Variants in GCLC observed in about 807,000 individuals in gnomAD.
GCLC encodes the protein glutamate--cysteine ligase catalytic subunit.
In GCLC, 30 loss-of-function variants were observed where a neutral mutation model predicts 81.5. The ratio of observed to expected loss-of-function variants is 0.37; its 90% CI spans 0.28 to 0.50. The LOEUF (loss-of-function observed/expected upper bound fraction) is 0.50. Among genes scored for constraint, GCLC ranks in the 20% least tolerant of loss-of-function variants. The pLI is 0.96. For synonymous variants in GCLC, 262 were observed against 273.3 expected, an observed-to-expected ratio of 0.96 and a Z score of 0.41; for missense variants, 556 against 777.4, an observed-to-expected ratio of 0.72 and a Z score of 3.39.
At chr6:53,544,399 G>A in intron 1 of GCLC, 97 bp downstream of exon 1, 2 of 1,339,054 alleles carry the variant, frequency 1.5e-6, no homozygotes, top group Non-Finnish European at 2.1e-6. Context: ...AGTGGAGAAC[G>A]CGGACCGCGA....
At chr6:53,502,737 G>A (rs948457342) in intron 12 of GCLC, among the ~76,000 whole-genome samples, 8 of 152,050 alleles carry the variant, frequency 5.3e-5, no homozygotes, top group Non-Finnish European at 1.2e-4. Flanking sequence ...TGTTTCAGCT[G>A]TTTAATAGGA....
At position 53,506,697 on chromosome 6, in the gene GCLC, C is replaced by T. The variant is rs1276287797; in HGVS notation, c.1197+216G>A. The T allele has an allele frequency of 7.6e-6, 4 of 529,778 alleles. No individual in the cohort carries two copies. Among genetic ancestry groups the T allele is most frequent in the Admixed American group, 6.6e-5 (2 of 30,310 alleles). 32.8% of individuals were successfully genotyped at this position (529,778 alleles called of 1,614,324 possible). On this transcript the variant is annotated intron_variant, in intron 10 of 15. Coordinates refer to ENST00000650454, the MANE Select transcript of GCLC (RefSeq NM_001498.4). The surrounding 1 kb of genome is among the most constrained non-coding windows in gnomAD (Gnocchi z 4.0). ...AATCAGTGAGATAAACAGTAAGAATCGTAAAATAAGAGTACTTGAAACCGA... is the reference window on the plus strand; with the variant it reads ...AATCAGTGAGATAAACAGTAAGAATTGTAAAATAAGAGTACTTGAAACCGA...
At chr6:53,527,414 T>C (rs1763101489) in intron 1 of GCLC, among the ~76,000 whole-genome samples, 1 of 152,212 alleles carries the variant, frequency 6.6e-6, no homozygotes, top group Non-Finnish European at 1.5e-5. Flanking sequence ...GCAACCATTT[T>C]GAGGACTAAG....
chr6:53,542,738 C>G (rs1040091845), intron 1 of GCLC, among the ~76,000 whole-genome samples: 13 of 152,104 alleles, frequency 8.5e-5, no homozygotes, highest in African/African-American at 3.1e-4. Context: ...GCACAGGGCC[C>G]GGCACATTGG....
Position 53,508,605 on chromosome 6 carries a change from C to T in GCLC, c.935G>A (p.Arg312Gln), listed in dbSNP as rs200246491. 23 of 1,600,676 alleles carry T rather than the reference C, an allele frequency of 1.4e-5. No individual in the cohort carries two copies. Among genetic ancestry groups the T allele is most frequent in the African/African-American group, 4.0e-5 (3 of 74,728 alleles). The change falls in exon 8 of 16, where the codon CGA becomes CAA. Residue 312 changes from arginine (R) to glutamine (Q), a missense_variant. By Grantham distance (43) the Arg-to-Gln change is conservative. Transcript: ENST00000650454. ...AAAAACAATTCCCACCTCCAGTCCT[C>T]GCTCCTCCCGAGTTCTATCATCTAC... ...ASVDDRTREE[R>Q]GLEPLKNNNY... is the part of the protein sequence containing the mutation.
chr6:53,525,974 A>G (rs1581743019), intron 1 of GCLC, among the ~76,000 whole-genome samples: 1 of 152,320 alleles, frequency 6.6e-6, no homozygotes, highest in Middle Eastern at 3.4e-3. Context: ...TGAAAATTAA[A>G]ATCTCTTAGA....
At chr6:53,517,079 ATTTTT>A (rs71546114) in intron 3 of GCLC, among the ~76,000 whole-genome samples, 174 of 104,398 alleles carry the variant, frequency 1.7e-3, no homozygotes, top group African/African-American at 5.8e-3. Context: ...TTAAAAAAAA[ATTTTT>A]TTTTTTTTTT....
At chr6:53,528,338 C>T (rs1420013533) in intron 1 of GCLC, among the ~76,000 whole-genome samples, 1 of 152,154 alleles carries the variant, frequency 6.6e-6, no homozygotes, top group Non-Finnish European at 1.5e-5. Flanking sequence ...CACTGTTTGA[C>T]ATGGTAATCT....
At chr6:53,544,206 T>C (rs1024322746) in intron 1 of GCLC, among the ~76,000 whole-genome samples, 1 of 152,224 alleles carries the variant, frequency 6.6e-6, no homozygotes. Flanking sequence ...CAGCACCTAA[T>C]GTCACTTTTT....
intron 12 of GCLC, chr6:53,500,822 G>A: frequency 2.4e-6 from 1 of 423,304 alleles, no homozygotes; most frequent in Non-Finnish European, 4.4e-6. Flanking sequence ...CAGATATACA[G>A]TGTTGGGAGG....
At chr6:53,502,575 C>G (rs1208011297) in intron 12 of GCLC, among the ~76,000 whole-genome samples, 4 of 152,224 alleles carry the variant, frequency 2.6e-5, no homozygotes, top group Non-Finnish European at 4.4e-5. Context: ...ACTGCTTTCT[C>G]TATCCCATTT....
In GCLC at chr6:53,544,650, G is replaced by A; in HGVS notation, c.-5C>T. The A allele has an allele frequency of 6.8e-7, 1 of 1,467,442 alleles. No homozygotes were observed. Among genetic ancestry groups the A allele is most frequent in the Non-Finnish European group, 9.0e-7 (1 of 1,105,696 alleles). 90.9% of individuals were successfully genotyped at this position (1,467,442 alleles called of 1,614,324 possible). On this transcript the variant is annotated 5_prime_UTR_variant, in exon 1 of 16. Transcript: ENST00000650454. ...GCCCTGGGACAGCAGCCCCATGGCC[G>A]CCCCCTCCTCCTCCTCCTCCTCCTC...
chr6:53,509,381 C>T lies in GCLC; in HGVS notation c.754-131G>A, dbSNP rs114549370. The stretch of plus-strand genomic sequence containing the variant: ...ACGCTTCATTAATGGCAACATTTAA[C>T]GCAAGAGTTTTGTTTAAAAGTTGTC... On this transcript the variant is annotated intron_variant, in intron 6 of 15. Transcript: ENST00000650454. 1.7e-3 allele frequency: 1,189 copies of T among 701,892 alleles called. 10 individuals carry two copies. In the African/African-American group the frequency reaches 0.018, roughly 11 times the overall value. 43.5% of individuals were successfully genotyped at this position (701,892 alleles called of 1,614,324 possible).
intron 4 of GCLC, among the ~76,000 whole-genome samples, chr6:53,514,702 C>T (rs547867488): frequency 8.5e-5 from 13 of 152,316 alleles, no homozygotes; most frequent in Non-Finnish European, 1.9e-4. Context: ...AATTCTTTGG[C>T]TCCTGCTCGA....
intron 6 of GCLC, 128 bp from the exon 7 acceptor site, chr6:53,509,378 TAAC>T (rs1176421915): frequency 2.3e-5 from 16 of 707,508 alleles, no homozygotes; most frequent in Non-Finnish European, 4.1e-5. Flanking sequence ...TGGCAACATT[TAAC>T]GCAAGAGTTT....
intron 1 of GCLC, among the ~76,000 whole-genome samples, chr6:53,529,813 T>C (rs1027063836): frequency 9.9e-5 from 15 of 152,190 alleles, no homozygotes; most frequent in Non-Finnish European, 1.8e-4. Flanking sequence ...GGCACTGTAG[T>C]GGGTGAGAAT....
intron 12 of GCLC, among the ~76,000 whole-genome samples, chr6:53,504,764 C>T (rs560379668): frequency 2.0e-5 from 3 of 152,314 alleles, no homozygotes; most frequent in South Asian, 4.1e-4. Flanking sequence ...GGCTACCCTA[C>T]TTCTCCATTC....
At chr6:53,542,498 C>G (rs965479195) in intron 1 of GCLC, among the ~76,000 whole-genome samples, 3 of 142,784 alleles carry the variant, frequency 2.1e-5, no homozygotes, top group Admixed American at 7.5e-5. Flanking sequence ...CAGGAGAGGC[C>G]TTTTTTAAAA....
Position 53,544,652 on chromosome 6 carries a change from C to CA in GCLC, c.-8_-7insT. 6.3e-7 allele frequency: 1 copy of CA among 1,578,152 alleles called. No homozygotes were observed. On this transcript the variant is annotated 5_prime_UTR_variant, in exon 1 of 16. Coordinates refer to ENST00000650454, the MANE Select transcript of GCLC (RefSeq NM_001498.4). ...CCTGGGACAGCAGCCCCATGGCCGC[C>CA]CCCTCCTCCTCCTCCTCCTCCTCCG...
Sources: allele counts gnomAD v4.1 joint callset (sites outside exome capture counted in the v4.1 genomes callset), GRCh38; gene constraint gnomAD v4.1.1; non-coding constraint Gnocchi (gnomAD v3.1); transcripts MANE v1.5; gene names NCBI Gene and HGNC (gene_info 2026-07-23, HGNC 2026-07-21).